Variants in ZNF486 observed in about 807,000 individuals in gnomAD.
ZNF486 encodes zinc finger protein 486, also known as KRAB box only protein 2.
A neutral mutation model predicts 12.8 loss-of-function variants in ZNF486; 12 were observed. The observed-to-expected ratio is 0.94, with a 90% confidence interval of 0.60 to 1.52. The LOEUF is 1.52. Among genes scored for constraint, ZNF486 ranks in the 40% most tolerant of loss-of-function variants. ZNF486 has a pLI of 0.00. For missense variants in ZNF486, 738 were observed against 545.0 expected, an observed-to-expected ratio of 1.35 and a Z score of -3.53; for synonymous variants, 231 against 184.9, an observed-to-expected ratio of 1.25 and a Z score of -2.02.
At chr19:20,182,276 A>T (rs1555715696) in intron 1 of ZNF486, among the ~76,000 whole-genome samples, 1 of 152,186 alleles carries the variant, frequency 6.6e-6, no homozygotes. Flanking sequence ...AAGCCTCCAG[A>T]ATCACATTAC....
intron 1 of ZNF486, chr19:20,176,454 T>C (rs1010518028): frequency 1.7e-4 from 36 of 208,904 alleles, no homozygotes; most frequent in African/African-American, 6.7e-4. Flanking sequence ...ATCTCGGTAC[T>C]TTGGGAGGCC....
rs782256326 is a variant in ZNF486 at position 20,184,311 on chromosome 19, C to G, written c.31-45C>G. The G allele has an allele frequency of 7.5e-6, 12 of 1,605,676 alleles. No individual in the cohort carries two copies. In the Admixed American group the frequency reaches 2.0e-4, roughly 27 times the overall value. On this transcript the variant is annotated intron_variant, in intron 1 of 3. Transcript: ENST00000335117. ...ATTTCACCTTAAATTAAAAATTCCA[C>G]CAACGGCGACTTGGTGAAAATGTGT...
At chr19:20,169,571 A>AAAC (rs1217619548) in intron 1 of ZNF486, among the ~76,000 whole-genome samples, 130 of 152,292 alleles carry the variant, frequency 8.5e-4, no homozygotes, top group African/African-American at 3.0e-3. Context: ...AGGTGAAAGG[A>AAAC]AACTGGGAGG....
intron 1 of ZNF486, among the ~76,000 whole-genome samples, chr19:20,175,943 G>A (rs562570173): frequency 2.4e-4 from 37 of 151,574 alleles, no homozygotes; most frequent in African/African-American, 7.8e-4. Context: ...CGGATGGGGC[G>A]GCTGGCCGGG....
intron 3 of ZNF486, among the ~76,000 whole-genome samples, chr19:20,193,333 T>C (rs1164901713): frequency 6.6e-6 from 1 of 151,746 alleles, no homozygotes; most frequent in Non-Finnish European, 1.5e-5. Context: ...CTCACTCTAT[T>C]GCCCATGATG....
Position 20,192,325 on chromosome 19 carries a change from T to A in ZNF486, c.254-4639T>A, listed in dbSNP as rs151246445. ...TGTATATATTTATTTATGTATTTAT[T>A]TTGAGACAGAGTTTCACTTTTGTTG... On this transcript the variant is annotated intron_variant, in intron 3 of 3. Transcript: ENST00000335117. Among the ~76,000 whole-genome samples the A allele has an allele frequency of 1.5e-3, 223 of 152,298 alleles. 1 individual carries two copies. The highest frequency in any genetic ancestry group is 5.2e-3 in the African/African-American group (215 of 41,556).
In ZNF486 at chr19:20,197,752, A is replaced by G. The variant is rs1555718293; in HGVS notation, c.1042A>G (p.Lys348Glu). The G allele has an allele frequency of 6.2e-7, 1 of 1,613,778 alleles. No individual in the cohort carries two copies. Among genetic ancestry groups the G allele is most frequent in the East Asian group, 2.2e-5 (1 of 44,876 alleles). ...ACATGAGAAGATTCATACGGGAGAG[A>G]AACCCTACAAATGTGAAGAATGTGG... ...SKHEKIHTGE[K>E]PYKCEECGKA... Residue 348 changes from lysine (K) to glutamate (E), a missense_variant, in exon 4 of 4, where the codon AAA becomes GAA. Coordinates refer to ENST00000335117, the MANE Select transcript of ZNF486 (RefSeq NM_052852.4).
rs1555713116 is a variant in ZNF486, at chr19:20,167,252, C to T, written c.-79C>T. 2 of 1,585,636 alleles carry T rather than the reference C, an allele frequency of 1.3e-6. No homozygotes were observed. Among genetic ancestry groups the T allele is most frequent in the South Asian group, 2.2e-5 (2 of 90,472 alleles). The stretch of plus-strand genomic sequence containing the variant: ...TCTGGAGCTCTAGGTCGCCTCTTCG[C>T]TACTCTGTGTCCTCTGCTCCTAGAG... On this transcript the variant is annotated 5_prime_UTR_variant, in exon 1 of 4. Coordinates refer to ENST00000335117, the MANE Select transcript of ZNF486 (RefSeq NM_052852.4).
chr19:20,175,911 G>A (rs1481926286), intron 1 of ZNF486, among the ~76,000 whole-genome samples: 3 of 151,948 alleles, frequency 2.0e-5, no homozygotes, highest in East Asian at 1.9e-4. Context: ...GGGGCGGCTG[G>A]GCAGAGGCGC....
rs1568328679 is a variant in ZNF486, at chr19:20,197,633, CTCTT to C, written c.928_931del (p.Ser310HisfsTer60). 1.9e-5 allele frequency: 30 copies of C among 1,613,584 alleles called. No individual in the cohort carries two copies. The highest frequency in any genetic ancestry group is 3.3e-5 in the South Asian group (3 of 91,036). On this transcript the variant is annotated frameshift_variant, in exon 4 of 4. Transcript: ENST00000335117. LOFTEE classifies it low-confidence loss of function (END_TRUNC). Reference sequence around the variant, plus strand: ...GACAAAGCTTTTAACCATCCTGCAACTCTTTCTTCACATAAGAAAATTCATACTG... The same window carrying C: ...GACAAAGCTTTTAACCATCCTGCAACTCTTCACATAAGAAAATTCATACTG...
chr19:20,186,025 G>A lies in ZNF486; in HGVS notation c.196G>A (p.Glu66Lys). Residue 66 changes from glutamate to lysine, a missense_variant, in exon 3 of 4, where the codon GAG becomes AAG. Physicochemically the swap from Glu to Lys is moderately conservative, Grantham distance 56. Transcript: ENST00000335117. ...TAAGCCAGACCTGATCACCTGTCTGGAGCAAGGAATAAAACCTCTGACTAT... is the reference window on the plus strand; with the variant it reads ...TAAGCCAGACCTGATCACCTGTCTGAAGCAAGGAATAAAACCTCTGACTAT... The part of the protein sequence containing the change: ...VSKPDLITCL[E>K]QGIKPLTMKR... The A allele has an allele frequency of 6.3e-7, 1 of 1,590,464 alleles. No homozygotes were observed.
At chr19:20,182,429 CT>C (rs1396085093) in intron 1 of ZNF486, among the ~76,000 whole-genome samples, 12 of 152,334 alleles carry the variant, frequency 7.9e-5, no homozygotes, top group Admixed American at 7.8e-4. Flanking sequence ...CTCCCCACAG[CT>C]TCTGTTTGTT....
In ZNF486 at chr19:20,167,255, C is replaced by T; in HGVS notation, c.-76C>T. 1.9e-6 allele frequency: 3 copies of T among 1,589,184 alleles called. No individual in the cohort carries two copies. Among genetic ancestry groups the T allele is most frequent in the Non-Finnish European group, 2.6e-6 (3 of 1,157,482 alleles). Reference sequence around the variant, plus strand: ...GGAGCTCTAGGTCGCCTCTTCGCTACTCTGTGTCCTCTGCTCCTAGAGGCC... The same window carrying T: ...GGAGCTCTAGGTCGCCTCTTCGCTATTCTGTGTCCTCTGCTCCTAGAGGCC... On this transcript the variant is annotated 5_prime_UTR_variant, in exon 1 of 4. Transcript: ENST00000335117.
rs145630241 is a variant in ZNF486 at position 20,173,299 on chromosome 19, G to A, written c.30+5939G>A. Among the ~76,000 whole-genome samples the A allele has an allele frequency of 1.9e-3, 294 of 152,216 alleles. 6 individuals carry two copies. The East Asian group carries it at 0.04, about 21-fold the overall frequency. ...TAAAAAATGCTGGCTAGTTATTCTAGCACCATTTATTAAAGAGAGAATCCT... is the reference window on the plus strand; with the variant it reads ...TAAAAAATGCTGGCTAGTTATTCTAACACCATTTATTAAAGAGAGAATCCT... On this transcript the variant is annotated intron_variant, in intron 1 of 3. Transcript: ENST00000335117.
chr19:20,171,631 G>C, intron 1 of ZNF486, among the ~76,000 whole-genome samples: 1 of 152,182 alleles, frequency 6.6e-6, no homozygotes, highest in East Asian at 1.9e-4. Flanking sequence ...ATAAATCAGA[G>C]TACAGCCCCA....
At chr19:20,171,304 G>A (rs1323700196) in intron 1 of ZNF486, among the ~76,000 whole-genome samples, 1 of 152,146 alleles carries the variant, frequency 6.6e-6, no homozygotes, top group African/African-American at 2.4e-5. Flanking sequence ...TGAAAACTTA[G>A]AGAAAAGGAG....
intron 1 of ZNF486, among the ~76,000 whole-genome samples, chr19:20,175,597 AT>A (rs2089698976): frequency 6.6e-6 from 1 of 151,664 alleles, no homozygotes; most frequent in Non-Finnish European, 1.5e-5. Context: ...CCCTTAATCC[AT>A]TTAACACTGA....
At chr19:20,182,472 A>C (rs1221112765) in intron 1 of ZNF486, among the ~76,000 whole-genome samples, 3 of 152,234 alleles carry the variant, frequency 2.0e-5, no homozygotes, top group African/African-American at 7.2e-5. Flanking sequence ...GTTTTAATGA[A>C]GGGTCTCATG....
intron 3 of ZNF486, among the ~76,000 whole-genome samples, chr19:20,194,208 G>T (rs1555717578): frequency 6.6e-6 from 1 of 151,960 alleles, no homozygotes; most frequent in Non-Finnish European, 1.5e-5. Flanking sequence ...TTGTTTTCTT[G>T]CATTATGTTA....
Sources: gnomAD v4.1 joint callset for allele counts (sites outside exome capture counted in the v4.1 genomes callset) on GRCh38, gnomAD v4.1.1 for gene constraint, MANE v1.5 for transcripts, NCBI Gene and HGNC (gene_info 2026-07-23, HGNC 2026-07-21) for gene names.